The following PCDH10 variants were observed in gnomAD, a reference collection of about 807,000 sequenced individuals.
PCDH10 encodes the protein protocadherin 10.
In PCDH10, 15 loss-of-function variants were observed where a neutral mutation model predicts 74.4. The ratio of observed to expected loss-of-function variants is 0.20; its 90% confidence interval spans 0.13 to 0.31. The LOEUF is 0.31. Among genes scored for constraint, PCDH10 ranks in the 10% least tolerant of loss-of-function variants. PCDH10 has a pLI of 1.00. For synonymous variants in PCDH10, 619 were observed against 589.8 expected, an observed-to-expected ratio of 1.05 and a Z score of -0.72; for missense variants, 1,260 against 1,390.2, an observed-to-expected ratio of 0.91 and a Z score of 1.49.
chr4:133,175,463 G>A (rs566421471), intron 4 of PCDH10, among the ~76,000 whole-genome samples: 8 of 152,000 alleles, frequency 5.3e-5, no homozygotes, highest in Non-Finnish European at 8.8e-5. Context: ...AAATGTTCTC[G>A]TGGCCTGGAG....
At chr4:133,179,126 G>A (rs1727356221) in intron 4 of PCDH10, among the ~76,000 whole-genome samples, 1 of 152,054 alleles carries the variant, frequency 6.6e-6, no homozygotes, top group South Asian at 2.1e-4. Flanking sequence ...TTAAAGTAAT[G>A]GAATGCAAAC....
At chr4:133,183,781 A>G (rs1727468490) in intron 4 of PCDH10, among the ~76,000 whole-genome samples, 1 of 152,156 alleles carries the variant, frequency 6.6e-6, no homozygotes, top group Non-Finnish European at 1.5e-5. Flanking sequence ...TCACAATGGT[A>G]ACATTAGAAT....
At chr4:133,160,118 A>T (rs545592722) in intron 3 of PCDH10, among the ~76,000 whole-genome samples, 3 of 152,080 alleles carry the variant, frequency 2.0e-5, no homozygotes, top group South Asian at 2.1e-4. Context: ...TCTGTTACTT[A>T]TCTGAAGTTT....
intron 2 of PCDH10, among the ~76,000 whole-genome samples, chr4:133,202,832 G>C (rs59706641): frequency 0.014 from 2,182 of 152,234 alleles, 57 homozygotes; most frequent in African/African-American, 0.05. Context: ...GATCCATAAA[G>C]TATATCAACA....
intron 2 of PCDH10, among the ~76,000 whole-genome samples, chr4:133,204,274 C>T (rs1297980710): frequency 6.6e-6 from 1 of 152,130 alleles, no homozygotes; most frequent in African/African-American, 2.4e-5. Context: ...TTCTACAAAC[C>T]TGACAACGTG....
rs542142530 is a variant in PCDH10, at chr4:133,207,146, G to T, written n.438-930G>T. ...AAATCAATAATGTTAAAACCAAAGG[G>T]GTAATATGCATTGTTAGATTTGTTA... is the stretch of plus-strand genomic sequence containing the variant. On this transcript the variant is annotated intron_variant and non_coding_transcript_variant, in intron 2 of 2. Transcript: ENST00000511112. Among the ~76,000 whole-genome samples, 212 of 151,498 alleles carry T rather than the reference G, an allele frequency of 1.4e-3. 1 individual carries two copies. Among genetic ancestry groups the T allele is most frequent in the African/African-American group, 4.8e-3 (200 of 41,344 alleles).
rs114490213 is a variant in PCDH10, at chr4:133,152,450, C to T, written c.2310C>T (p.Cys770=). Residue 770 remains cysteine (C), a synonymous_variant, in exon 1 of 5, where the codon TGC becomes TGT. Transcript: ENST00000264360. ...GCTGCGGTGGCGGAGGTTCGACCTG[C>T]TGTGGCCGCCAAGCCCGGGCGCGCA... ...CCCCGGGGST[C]CGRQARARKK... 1.5e-4 allele frequency: 235 copies of T among 1,614,154 alleles called. 1 individual carries two copies. The African/African-American group carries it at 2.8e-3, about 19-fold the overall frequency.
At chr4:133,185,353 G>T (rs750447589) in intron 4 of PCDH10, among the ~76,000 whole-genome samples, 2 of 151,566 alleles carry the variant, frequency 1.3e-5, no homozygotes, top group Admixed American at 6.6e-5. Context: ...TCTTTTAATA[G>T]TTAACACTAC....
chr4:133,154,077 A>G (rs1384100069), intron 1 of PCDH10, among the ~76,000 whole-genome samples: 5 of 152,192 alleles, frequency 3.3e-5, no homozygotes, highest in Non-Finnish European at 7.3e-5. Context: ...ATTTAAAGTT[A>G]GCCAATTTTT....
intron 3 of PCDH10, among the ~76,000 whole-genome samples, chr4:133,162,176 T>C (rs1383624182): frequency 6.6e-6 from 1 of 152,158 alleles, no homozygotes. Flanking sequence ...TGTTCCAATA[T>C]AGAGCAAGTA....
chr4:133,208,557 G>C (rs971691847), exon 3 of PCDH10: 8 of 151,754 alleles, frequency 5.3e-5, no homozygotes, highest in African/African-American at 1.9e-4. Context: ...ACTATTTTTG[G>C]GATTGATCTA....
intron 2 of PCDH10, among the ~76,000 whole-genome samples, chr4:133,200,464 A>T (rs763603948): frequency 6.6e-6 from 1 of 152,152 alleles, no homozygotes; most frequent in Non-Finnish European, 1.5e-5. Flanking sequence ...TGTAAAAGAC[A>T]TTTTAAAATC....
chr4:133,159,117 A>T (rs1412074119), intron 3 of PCDH10, among the ~76,000 whole-genome samples: 1 of 152,098 alleles, frequency 6.6e-6, no homozygotes, highest in East Asian at 1.9e-4. Context: ...CTTTAAAATT[A>T]ATTTATCATA....
At chr4:133,175,317 C>G (rs891110429) in intron 4 of PCDH10, among the ~76,000 whole-genome samples, 8 of 151,782 alleles carry the variant, frequency 5.3e-5, no homozygotes, top group Admixed American at 1.3e-4. Flanking sequence ...ACTTTTTAAC[C>G]AACTGCTTTA....
chr4:133,189,865 T>A (rs971898539), intron 4 of PCDH10, among the ~76,000 whole-genome samples: 1 of 152,086 alleles, frequency 6.6e-6, no homozygotes, highest in East Asian at 1.9e-4. Context: ...TGTAGATAAC[T>A]TTAAAAAGTT....
intron 4 of PCDH10, among the ~76,000 whole-genome samples, chr4:133,165,172 A>T (rs184820950): frequency 6.6e-6 from 1 of 150,718 alleles, no homozygotes; most frequent in African/African-American, 2.4e-5. Context: ...GCCAGTTCAC[A>T]CGGCTCAAAA....
intron 4 of PCDH10, among the ~76,000 whole-genome samples, chr4:133,184,779 TATATAA>T (rs1173484054): frequency 1.4e-5 from 2 of 138,440 alleles, no homozygotes; most frequent in Admixed American, 7.5e-5. Context: ...TATAAATATA[TATATAA>T]ATATATATAT....
intron 3 of PCDH10, among the ~76,000 whole-genome samples, chr4:133,159,678 G>GT (rs1726927136): frequency 6.6e-6 from 1 of 151,828 alleles, no homozygotes; most frequent in East Asian, 1.9e-4. Context: ...CTATTTAATT[G>GT]TTTTTTTAAT....
chr4:133,163,367 G>A (rs965097715), intron 4 of PCDH10, 85 bp downstream of exon 4: 12 of 1,267,362 alleles, frequency 9.5e-6, no homozygotes, highest in Admixed American at 9.3e-5. Flanking sequence ...TAAAAATGGA[G>A]TTCAGGTTTT....
Sources: gnomAD v4.1 joint callset for allele counts (sites outside exome capture counted in the v4.1 genomes callset) on GRCh38, gnomAD v4.1.1 for gene constraint, MANE v1.5 for transcripts, NCBI Gene and HGNC (gene_info 2026-07-23, HGNC 2026-07-21) for gene names.